KIF1B: variants seen among roughly 807,000 people sequenced by gnomAD.
The protein encoded by KIF1B is kinesin-like protein KIF1B.
In KIF1B, 76 loss-of-function variants were observed where a neutral mutation model predicts 241.9. The observed-to-expected ratio is 0.31, with a 90% CI of 0.26 to 0.38. The LOEUF (loss-of-function observed/expected upper bound fraction) is 0.38, where lower values mean the gene tolerates loss of function less well. Among genes scored for constraint, KIF1B ranks in the 10% least tolerant of loss-of-function variants. The pLI is 1.00. For missense variants in KIF1B, 1,622 were observed against 2,271.4 expected, an observed-to-expected ratio of 0.71 and a Z score of 5.81; for synonymous variants, 750 against 796.7, an observed-to-expected ratio of 0.94 and a Z score of 0.99.
chr1:10,365,460 A>C lies in KIF1B; in HGVS notation c.4564A>C (p.Ile1522Leu). 1 of 1,614,160 alleles carries C rather than the reference A, an allele frequency of 6.2e-7. No individual in the cohort carries two copies. The highest frequency in any genetic ancestry group is 8.5e-7 in the Non-Finnish European group (1 of 1,180,026). Residue 1522 changes from isoleucine to leucine, a missense_variant, in exon 43 of 49, where the codon ATC (isoleucine) becomes CTC (leucine). Physicochemically the swap from Ile to Leu is conservative, Grantham distance 5. Coordinates refer to ENST00000676179, the MANE Select transcript of KIF1B (RefSeq NM_001365951.3). The surrounding 1 kb of genome is among the most constrained non-coding windows in gnomAD (Gnocchi z 4.0). ...LLLRERLGDS[I>L]PKSLSDSLSP... ...GCTGCGTGAGAGACTTGGTGACAGC[A>C]TCCCCAAATCCCTGAGCGACTCGTT... is the stretch of plus-strand genomic sequence containing the variant.
intron 22 of KIF1B, among the ~76,000 whole-genome samples, chr1:10,298,365 A>G (rs1650371436): frequency 6.6e-6 from 1 of 152,220 alleles, no homozygotes; most frequent in East Asian, 1.9e-4. Context: ...ACTTGAGCAC[A>G]AGCAACCTTT....
Position 10,282,427 on chromosome 1 carries a change from C to A in KIF1B, c.1328C>A (p.Pro443Gln), listed in dbSNP as rs1443116856. The change falls in exon 15 of 49, where the codon CCA becomes CAA. Residue 443 changes from proline (P) to glutamine (Q), a missense_variant. Physicochemically the swap from Pro to Gln is moderately conservative, Grantham distance 76. Transcript: ENST00000676179. ...TASMGSLTSS[P>Q]SSCSLSSQVG... ...TCCATGGGGTCCCTCACTTCATCCC[C>A]ATCTTCCTGCTCACTCAGTAGTCAG... The A allele has an allele frequency of 6.2e-7, 1 of 1,614,042 alleles. No individual in the cohort carries two copies. Among genetic ancestry groups the A allele is most frequent in the African/African-American group, 1.3e-5 (1 of 74,908 alleles).
intron 15 of KIF1B, among the ~76,000 whole-genome samples, chr1:10,286,007 C>T (rs80024758): frequency 0.019 from 2,848 of 151,880 alleles, 41 homozygotes; most frequent in Non-Finnish European, 0.028. Context: ...TAGCCTTTTT[C>T]CATATGTTAG....
At chr1:10,271,457 T>C in intron 7 of KIF1B, 45 bp from the exon 8 acceptor site, 1 of 1,344,066 alleles carries the variant, frequency 7.4e-7, no homozygotes, top group East Asian at 2.3e-5. Context: ...CCTGCTTCTA[T>C]CTTGCTTATT....
intron 15 of KIF1B, among the ~76,000 whole-genome samples, chr1:10,288,390 G>T (rs934030412): frequency 2.4e-4 from 36 of 152,250 alleles, no homozygotes; most frequent in African/African-American, 8.4e-4. Context: ...TGACACTTTT[G>T]TTCTCCATTT....
chr1:10,264,053 T>A (rs1648307678), intron 5 of KIF1B, among the ~76,000 whole-genome samples: 1 of 152,128 alleles, frequency 6.6e-6, no homozygotes, highest in South Asian at 2.1e-4. Context: ...AATCACACAC[T>A]CTCAGTGAGG....
At position 10,299,252 on chromosome 1, in the gene KIF1B, A is replaced by T. The variant is rs553577146; in HGVS notation, c.2115+2006A>T. 7.2e-4 allele frequency among the ~76,000 whole-genome samples: 109 copies of T among 152,156 alleles called. 1 individual carries two copies. The South Asian group carries it at 0.022, about 31-fold the overall frequency. ...AATAAAGAGAAAGTGAATGTCTAAGACGTATTTAGTTTCTAGGGAATGTAC... is the reference window on the plus strand; with the variant it reads ...AATAAAGAGAAAGTGAATGTCTAAGTCGTATTTAGTTTCTAGGGAATGTAC... On this transcript the variant is annotated intron_variant, in intron 22 of 48. Coordinates refer to ENST00000676179, the MANE Select transcript of KIF1B (RefSeq NM_001365951.3).
intron 22 of KIF1B, among the ~76,000 whole-genome samples, chr1:10,311,147 C>T (rs761483214): frequency 1.6e-4 from 24 of 151,272 alleles, no homozygotes; most frequent in Non-Finnish European, 3.4e-4. Context: ...TTCCTGCCAG[C>T]ATGCAAACAT....
intron 1 of KIF1B, among the ~76,000 whole-genome samples, chr1:10,217,066 C>T (rs1037312850): frequency 7.1e-6 from 1 of 141,756 alleles, no homozygotes; most frequent in African/African-American, 2.7e-5. Flanking sequence ...CTCTGCCTCC[C>T]GGATTCAAGT....
In KIF1B at chr1:10,347,920, T is replaced by C. The variant is rs1569871159; in HGVS notation, c.3864+93T>C. The C allele has an allele frequency of 3.5e-6, 4 of 1,151,318 alleles. No homozygotes were observed. In the East Asian group the frequency reaches 9.7e-5, roughly 28 times the overall value. The allele number at this position is 1,151,318 out of a possible 1,614,324, so 71.3% of individuals were successfully genotyped here. On this transcript the variant is annotated intron_variant, in intron 36 of 48. Transcript: ENST00000676179. ...TTCTTTCTTATTCTCTGTTTTCATCTCTATTTCAGAGGGTGGGCGGGGCAT... is the reference window on the plus strand; with the variant it reads ...TTCTTTCTTATTCTCTGTTTTCATCCCTATTTCAGAGGGTGGGCGGGGCAT...
intron 22 of KIF1B, among the ~76,000 whole-genome samples, chr1:10,316,593 C>T (rs1043184922): frequency 6.6e-5 from 10 of 151,294 alleles, no homozygotes; most frequent in East Asian, 1.9e-4. Flanking sequence ...CTCCGCCTCC[C>T]GGGCTCAAGT....
At chr1:10,305,792 A>T in intron 22 of KIF1B, 2 of 1,054,898 alleles carry the variant, frequency 1.9e-6, no homozygotes, top group Non-Finnish European at 2.3e-6. Flanking sequence ...AGAAAGATGG[A>T]TTTTAATGGG....
chr1:10,227,226 G>A (rs981516441), intron 1 of KIF1B, among the ~76,000 whole-genome samples: 2 of 151,694 alleles, frequency 1.3e-5, no homozygotes, highest in African/African-American at 4.8e-5. Flanking sequence ...GTAGAGATGG[G>A]GTTTCACCAT....
In KIF1B at chr1:10,374,168, C is replaced by T; in HGVS notation, c.4947-148C>T. 1 of 794,152 alleles carries T rather than the reference C, an allele frequency of 1.3e-6. No individual in the cohort carries two copies. The highest frequency in any genetic ancestry group is 2.2e-6 in the Non-Finnish European group (1 of 464,020). The allele number at this position is 794,152 out of a possible 1,614,324, so 49.2% of individuals were successfully genotyped here. A position where few individuals can be genotyped will look rare whatever the true frequency, so the allele number is the denominator to read the frequency against. On this transcript the variant is annotated intron_variant, in intron 45 of 48. Transcript: ENST00000676179. The surrounding 1 kb of genome is among the most constrained non-coding windows in gnomAD (Gnocchi z 4.3). ...AGTTAACTTTCTGAAGCCAGCTTGT[C>T]TCCTCAGCTGAGCTCTCTGCAACTC...
At chr1:10,234,462 C>A (rs1304323923) in intron 2 of KIF1B, among the ~76,000 whole-genome samples, 1 of 152,134 alleles carries the variant, frequency 6.6e-6, no homozygotes, top group Non-Finnish European at 1.5e-5. Context: ...CCTGCCTTGG[C>A]CTCCCAGAGT....
In KIF1B at chr1:10,303,881, C is replaced by T. The variant is rs1650674507; in HGVS notation, c.2115+6635C>T. The T allele has an allele frequency of 6.2e-7, 1 of 1,614,074 alleles. No individual in the cohort carries two copies. Among genetic ancestry groups the T allele is most frequent in the African/African-American group, 1.3e-5 (1 of 74,928 alleles). On this transcript the variant is annotated intron_variant, in intron 22 of 48. Coordinates refer to ENST00000676179, the MANE Select transcript of KIF1B (RefSeq NM_001365951.3). The surrounding 1 kb of genome is among the most constrained non-coding windows in gnomAD (Gnocchi z 5.2). ...AGTAAAGGAGACAATGGAGAACTTGCAAAAGAAGAACGTGTTTCCCAGCTG... is the reference window on the plus strand; with the variant it reads ...AGTAAAGGAGACAATGGAGAACTTGTAAAAGAAGAACGTGTTTCCCAGCTG...
At chr1:10,348,762 A>C in intron 37 of KIF1B, 29 bp downstream of exon 37, 1 of 1,577,810 alleles carries the variant, frequency 6.3e-7, no homozygotes, top group Non-Finnish European at 8.7e-7. Flanking sequence ...CCAAGGATAG[A>C]ACCAGGACTT....
chr1:10,373,877 C>T (rs138685300), intron 45 of KIF1B, among the ~76,000 whole-genome samples: 72 of 152,280 alleles, frequency 4.7e-4, no homozygotes, highest in Non-Finnish European at 6.0e-4. Flanking sequence ...TTTCTCGTTC[C>T]GTAGGTCTGG....
chr1:10,243,960 ATTGT>A (rs1647172458), intron 2 of KIF1B, among the ~76,000 whole-genome samples: 1 of 152,158 alleles, frequency 6.6e-6, no homozygotes, highest in Non-Finnish European at 1.5e-5. Context: ...AGAATTGTTG[ATTGT>A]TTATTCAATG....
Sources: allele counts gnomAD v4.1 joint callset (sites outside exome capture counted in the v4.1 genomes callset), GRCh38; gene constraint gnomAD v4.1.1; non-coding constraint Gnocchi (gnomAD v3.1); transcripts MANE v1.5; gene names NCBI Gene and HGNC (gene_info 2026-07-23, HGNC 2026-07-21).